The following TSPAN8 variants were observed in gnomAD, a reference collection of about 807,000 sequenced individuals.
The protein encoded by TSPAN8 is tetraspanin 8.
TSPAN8 carries 21 observed loss-of-function variants against 32.8 expected under a neutral mutation model. The observed-to-expected ratio is 0.64, with a 90% CI of 0.45 to 0.92. The LOEUF is 0.92. Ranked by LOEUF, TSPAN8 falls within the 40% of genes least tolerant of loss-of-function variation. TSPAN8 has a pLI of 0.00. For synonymous variants in TSPAN8, 95 were observed against 94.6 expected, an observed-to-expected ratio of 1.00 and a Z score of -0.03; for missense variants, 269 against 281.9, an observed-to-expected ratio of 0.95 and a Z score of 0.33.
chr12:71,134,481 A>G (rs1279456596), intron 6 of TSPAN8, among the ~76,000 whole-genome samples: 1 of 152,236 alleles, frequency 6.6e-6, no homozygotes. Flanking sequence ...GAAGTCTTGT[A>G]CTTATGTCCA....
At chr12:71,131,035 T>C (rs1233844306) in intron 7 of TSPAN8, among the ~76,000 whole-genome samples, 1 of 152,198 alleles carries the variant, frequency 6.6e-6, no homozygotes, top group East Asian at 1.9e-4. Flanking sequence ...TTTAGAATAA[T>C]TCCAGGGGCT....
intron 4 of TSPAN8, chr12:71,139,131 A>G: frequency 4.4e-6 from 2 of 456,212 alleles, no homozygotes; most frequent in Non-Finnish European, 8.8e-6. Context: ...TAGAACACCT[A>G]TGATTTTACC....
chr12:71,150,289 CT>C, intron 2 of TSPAN8, among the ~76,000 whole-genome samples: 1 of 152,302 alleles, frequency 6.6e-6, no homozygotes, highest in East Asian at 1.9e-4. Context: ...ATGATCTTTG[CT>C]TTTGCCCTTT....
chr12:71,132,902 CT>C, intron 6 of TSPAN8, 78 bp from the exon 7 acceptor site: 1 of 1,495,160 alleles, frequency 6.7e-7, no homozygotes, highest in Non-Finnish European at 9.2e-7. Context: ...TTATAATCTT[CT>C]GAAATCATTA....
At chr12:71,130,644 C>T (rs1871492275) in intron 7 of TSPAN8, among the ~76,000 whole-genome samples, 1 of 152,082 alleles carries the variant, frequency 6.6e-6, no homozygotes, top group African/African-American at 2.4e-5. Flanking sequence ...GTCATCTTTC[C>T]CCTTCATTCC....
At chr12:71,129,567 C>G (rs1343608692) in intron 7 of TSPAN8, among the ~76,000 whole-genome samples, 153 bp from the exon 8 acceptor site, 1 of 152,166 alleles carries the variant, frequency 6.6e-6, no homozygotes, top group Non-Finnish European at 1.5e-5. Flanking sequence ...CTCCCTGCTT[C>G]ACCTTTGCTC....
chr12:71,128,511 G>A (rs1267046824), intron 8 of TSPAN8, among the ~76,000 whole-genome samples: 1 of 152,152 alleles, frequency 6.6e-6, no homozygotes, highest in Non-Finnish European at 1.5e-5. Flanking sequence ...GAATAGGATT[G>A]TGAGTGAATT....
At chr12:71,147,868 T>C (rs963416428) in intron 2 of TSPAN8, among the ~76,000 whole-genome samples, 13 of 152,200 alleles carry the variant, frequency 8.5e-5, no homozygotes, top group African/African-American at 1.2e-4. Context: ...CCTGTATCCA[T>C]GTTTTTTCTT....
intron 2 of TSPAN8, among the ~76,000 whole-genome samples, chr12:71,150,880 G>C (rs1468574245): frequency 1.3e-5 from 2 of 151,954 alleles, no homozygotes; most frequent in Non-Finnish European, 2.9e-5. Context: ...ATGTAAGATG[G>C]GACTTTCATC....
Position 71,132,687 on chromosome 12 carries a change from T to C in TSPAN8, c.576+6A>G, listed in dbSNP as rs1488703329. 6.2e-7 allele frequency: 1 copy of C among 1,613,394 alleles called. No homozygotes were observed. Among genetic ancestry groups the C allele is most frequent in the East Asian group, 2.2e-5 (1 of 44,776 alleles). Reference sequence around the variant, plus strand: ...CTTATTGTACCAAATGTGATTTAGTTCTCACCTCTTTGTAAACTTGTTTTC... The same window carrying C: ...CTTATTGTACCAAATGTGATTTAGTCCTCACCTCTTTGTAAACTTGTTTTC... On this transcript the variant is annotated splice_donor_region_variant and intron_variant, in intron 7 of 8. Coordinates refer to ENST00000247829, the MANE Select transcript of TSPAN8 (RefSeq NM_004616.3).
At chr12:71,137,884 T>C (rs1036350686) in intron 6 of TSPAN8, 69 bp downstream of exon 6, 24 of 1,396,230 alleles carry the variant, frequency 1.7e-5, no homozygotes, top group Middle Eastern at 5.0e-4. Context: ...TTAAGGAAGA[T>C]GTTAAAAACT....
At chr12:71,143,163 G>A (rs1223338065) in intron 3 of TSPAN8, among the ~76,000 whole-genome samples, 1 of 152,118 alleles carries the variant, frequency 6.6e-6, no homozygotes, top group Admixed American at 6.6e-5. Context: ...AGTGGCAAGA[G>A]CCCAGAAAAC....
In TSPAN8 at chr12:71,157,965, T is replaced by C. The variant is rs1872500668; in HGVS notation, c.-145A>G. 1 of 377,810 alleles carries C rather than the reference T, an allele frequency of 2.6e-6. No homozygotes were observed. Among genetic ancestry groups the C allele is most frequent in the Non-Finnish European group, 4.8e-6 (1 of 207,960 alleles). The allele number at this position is 377,810 out of a possible 1,614,324, so 23.4% of individuals were successfully genotyped here. ...ATCGCAAAGGCTATCTCCAGGCAAG[T>C]ATGTTCCTTTGCTTGTCATAGCTCC... On this transcript the variant is annotated 5_prime_UTR_variant, in exon 1 of 9. In the 5' UTR this introduces an upstream ATG that the reference lacks. Transcript: ENST00000247829.
chr12:71,141,974 A>G (rs939104278), intron 3 of TSPAN8, among the ~76,000 whole-genome samples: 2 of 152,186 alleles, frequency 1.3e-5, no homozygotes, highest in African/African-American at 4.8e-5. Context: ...ATCCTGAGGT[A>G]GAAAAAAGGG....
At chr12:71,127,742 A>T (rs1024967360) in intron 8 of TSPAN8, among the ~76,000 whole-genome samples, 4 of 152,180 alleles carry the variant, frequency 2.6e-5, no homozygotes, top group African/African-American at 9.6e-5. Context: ...ATTCTTGAAA[A>T]TGCCTTTGAC....
intron 6 of TSPAN8, among the ~76,000 whole-genome samples, chr12:71,134,364 T>C (rs996164357): frequency 1.3e-5 from 2 of 152,232 alleles, no homozygotes; most frequent in African/African-American, 2.4e-5. Flanking sequence ...AATTCTGTAG[T>C]TTCTGTAGAG....
intron 6 of TSPAN8, among the ~76,000 whole-genome samples, chr12:71,135,342 G>A (rs1871659017): frequency 7.4e-6 from 1 of 135,668 alleles, no homozygotes; most frequent in Non-Finnish European, 1.6e-5. Flanking sequence ...AGGAGGAGGA[G>A]GAAGAAGGAG....
intron 2 of TSPAN8, chr12:71,156,834 A>AG (rs960297276): frequency 6.6e-6 from 1 of 152,210 alleles, no homozygotes; most frequent in Non-Finnish European, 1.5e-5. Flanking sequence ...ACAATCTTTA[A>AG]TTGTACCATA....
Position 71,129,978 on chromosome 12 carries a change from G to C in TSPAN8, c.577-564C>G, listed in dbSNP as rs1163692728. ...TTTTTTTTTTTTTTCTTTGAGACAG[G>C]GTCTCCCTCCAGCGCTGAAGCTGGA... On this transcript the variant is annotated intron_variant, in intron 7 of 8. Transcript: ENST00000247829. 6.8e-5 allele frequency among the ~76,000 whole-genome samples: 10 copies of C among 146,484 alleles called. No individual in the cohort carries two copies. The East Asian group carries it at 2.0e-3, about 29-fold the overall frequency.
Sources: gnomAD v4.1 joint callset for allele counts (sites outside exome capture counted in the v4.1 genomes callset) on GRCh38, gnomAD v4.1.1 for gene constraint, MANE v1.5 for transcripts, NCBI Gene and HGNC (gene_info 2026-07-23, HGNC 2026-07-21) for gene names.